The following RHAG variants were observed in gnomAD, a reference collection of about 807,000 sequenced individuals.
RHAG encodes the protein ammonium transporter Rh type A.
RHAG carries 25 observed loss-of-function variants against 42.4 expected under a neutral mutation model. The observed-to-expected ratio is 0.59, with a 90% confidence interval of 0.43 to 0.82. The LOEUF is 0.82. Among genes scored for constraint, RHAG ranks in the 40% least tolerant of loss-of-function variants. The probability of loss-of-function intolerance (pLI) is 0.00; values close to 1 mark genes in which losing one functional copy is unlikely to be tolerated. For synonymous variants in RHAG, 182 were observed against 177.7 expected, an observed-to-expected ratio of 1.02 and a Z score of -0.19; for missense variants, 483 against 504.6, an observed-to-expected ratio of 0.96 and a Z score of 0.41.
intron 1 of RHAG, among the ~76,000 whole-genome samples, chr6:49,634,107 T>G (rs1393265710): frequency 1.3e-5 from 2 of 152,200 alleles, no homozygotes; most frequent in African/African-American, 4.8e-5. Context: ...CCTTGAACAT[T>G]TATCATTTCT....
At chr6:49,608,512 G>A (rs1762513776) in intron 7 of RHAG, among the ~76,000 whole-genome samples, 1 of 152,052 alleles carries the variant, frequency 6.6e-6, no homozygotes, top group Non-Finnish European at 1.5e-5. Context: ...CAAGTAGCTG[G>A]GATTATAGGC....
intron 1 of RHAG, among the ~76,000 whole-genome samples, chr6:49,627,759 G>A (rs1762864022): frequency 6.6e-6 from 1 of 152,148 alleles, no homozygotes; most frequent in African/African-American, 2.4e-5. Flanking sequence ...ATAGTGGCAG[G>A]TGAGAGAGCT....
intron 1 of RHAG, among the ~76,000 whole-genome samples, chr6:49,628,054 T>C (rs1029490836): frequency 2.0e-5 from 3 of 152,096 alleles, no homozygotes; most frequent in Non-Finnish European, 4.4e-5. Context: ...TTTTCCTCTA[T>C]TTCCTATATA....
intron 1 of RHAG, among the ~76,000 whole-genome samples, chr6:49,624,917 C>G (rs1762820780): frequency 6.6e-6 from 1 of 152,144 alleles, no homozygotes; most frequent in South Asian, 2.1e-4. Flanking sequence ...CATAAAACCC[C>G]CCATATTATC....
intron 1 of RHAG, among the ~76,000 whole-genome samples, chr6:49,633,328 T>C (rs1762961189): frequency 6.6e-6 from 1 of 152,128 alleles, no homozygotes; most frequent in Non-Finnish European, 1.5e-5. Flanking sequence ...ACCCAAAATG[T>C]TTACTCATTT....
At position 49,620,521 on chromosome 6, in the gene RHAG, G is replaced by T. The variant is rs117151422; in HGVS notation, c.158-1159C>A. On this transcript the variant is annotated intron_variant, in intron 1 of 9. Coordinates refer to ENST00000371175, the MANE Select transcript of RHAG (RefSeq NM_000324.3). ...GGACAAACCTGAATGGGGCACCATA[G>T]TTTCTCTCTCTCTCTTTTTTTGGGG... Among the ~76,000 whole-genome samples, 877 of 151,818 alleles carry T rather than the reference G, an allele frequency of 5.8e-3. 16 individuals carry two copies. Among genetic ancestry groups the T allele is most frequent in the East Asian group, 0.035 (181 of 5,146 alleles).
At chr6:49,615,852 A>T (rs1383282693) in intron 3 of RHAG, 81 bp from the exon 4 acceptor site, 3 of 1,411,460 alleles carry the variant, frequency 2.1e-6, no homozygotes, top group Admixed American at 3.4e-5. Flanking sequence ...AAAGAATTGC[A>T]TTGTTGGTTA....
Position 49,606,861 on chromosome 6 carries a change from G to A in RHAG, c.1199C>T (p.Ser400Phe). 6.2e-7 allele frequency: 1 copy of A among 1,606,934 alleles called. No individual in the cohort carries two copies. Among genetic ancestry groups the A allele is most frequent in the Non-Finnish European group, 8.5e-7 (1 of 1,173,622 alleles). ...ACTGTACAGTACCTTCCAATAAACA[G>A]AATCATCATAGCAGTTCTGGTCAGA... ...QPSDQNCYDDSVYWKVPKTR is the reference protein window; with the variant it reads ...QPSDQNCYDDFVYWKVPKTR Residue 400 changes from serine (S) to phenylalanine (F), a missense_variant, in exon 9 of 10, where the codon TCT (serine) becomes TTT (phenylalanine). Ser to Phe is a radical substitution (Grantham distance 155, BLOSUM62 -2). Transcript: ENST00000371175.
Position 49,619,026 on chromosome 6 carries a change from C to A in RHAG, c.341+153G>T, listed in dbSNP as rs116095401. Among the ~76,000 whole-genome samples the A allele has an allele frequency of 5.5e-3, 844 of 152,210 alleles. 7 individuals carry two copies. Among genetic ancestry groups the A allele is most frequent in the African/African-American group, 0.019 (803 of 41,544 alleles). ...AGGAGTCTCCTGTGGACCTCTTTCA[C>A]AAGGACACTGATCCCATTCATAAAC... On this transcript the variant is annotated intron_variant, in intron 2 of 9. Coordinates refer to ENST00000371175, the MANE Select transcript of RHAG (RefSeq NM_000324.3).
rs1050256803 is a variant in RHAG at position 49,619,160 on chromosome 6, C to T, written c.341+19G>A. On this transcript the variant is annotated intron_variant, in intron 2 of 9. Transcript: ENST00000371175. ...ATTCTGGAGGATGCAAACATTCAGC[C>T]CACAGTAAGGATGCTCACTTTTTGA... 2.5e-6 allele frequency: 4 copies of T among 1,613,050 alleles called. No individual in the cohort carries two copies. The highest frequency in any genetic ancestry group is 2.2e-5 in the East Asian group (1 of 44,880).
chr6:49,607,306 C>T lies in RHAG; in HGVS notation c.1068-86G>A, dbSNP rs548950642. Reference sequence around the variant, plus strand: ...ACTCACTGAGGGTGTGGATGACTGCCATCTTCAGGCCAGAGTGTAACATTA... The same window carrying T: ...ACTCACTGAGGGTGTGGATGACTGCTATCTTCAGGCCAGAGTGTAACATTA... On this transcript the variant is annotated intron_variant, in intron 7 of 9. Coordinates refer to ENST00000371175, the MANE Select transcript of RHAG (RefSeq NM_000324.3). 438 of 952,428 alleles carry T rather than the reference C, an allele frequency of 4.6e-4. 1 individual carries two copies. Among genetic ancestry groups the T allele is most frequent in the Middle Eastern group, 1.0e-3 (5 of 4,880 alleles). The allele number at this position is 952,428 out of a possible 1,614,324, so 59.0% of individuals were successfully genotyped here. A position where few individuals can be genotyped will look rare whatever the true frequency, so the allele number is the denominator to read the frequency against.
At chr6:49,612,357 G>T in intron 6 of RHAG, 40 bp downstream of exon 6, 1 of 1,608,554 alleles carries the variant, frequency 6.2e-7, no homozygotes, top group Non-Finnish European at 8.5e-7. Context: ...GAAAAAAGGT[G>T]CAGATTCAGA....
In RHAG at chr6:49,608,537, C is replaced by T. The variant is rs532811412; in HGVS notation, c.1068-1317G>A. On this transcript the variant is annotated intron_variant, in intron 7 of 9. Coordinates refer to ENST00000371175, the MANE Select transcript of RHAG (RefSeq NM_000324.3). Reference sequence around the variant, plus strand: ...GGATTATAGGCACCCACCACCATGCCGGGTACTTTTTGTGTTTTTAGTAGA... The same window carrying T: ...GGATTATAGGCACCCACCACCATGCTGGGTACTTTTTGTGTTTTTAGTAGA... Among the ~76,000 whole-genome samples, 22 of 152,104 alleles carry T rather than the reference C, an allele frequency of 1.4e-4. No homozygotes were observed. The East Asian group carries it at 2.1e-3, about 15-fold the overall frequency.
intron 2 of RHAG, 151 bp downstream of exon 2, chr6:49,619,028 A>C: frequency 1.2e-6 from 1 of 856,084 alleles, no homozygotes; most frequent in Non-Finnish European, 1.9e-6. Context: ...CTCTTTCACA[A>C]GGACACTGAT....
intron 1 of RHAG, among the ~76,000 whole-genome samples, chr6:49,629,623 G>A (rs1199844632): frequency 1.3e-5 from 2 of 152,140 alleles, no homozygotes; most frequent in Non-Finnish European, 2.9e-5. Context: ...GGGAGGCTCG[G>A]GCACACAGGA....
chr6:49,628,218 A>G (rs1762873604), intron 1 of RHAG, among the ~76,000 whole-genome samples: 1 of 151,854 alleles, frequency 6.6e-6, no homozygotes, highest in Admixed American at 6.6e-5. Flanking sequence ...GTGCAGTGGC[A>G]TGAACATAAC....
Position 49,614,806 on chromosome 6 carries a change from C to A in RHAG, c.688G>T (p.Ala230Ser). Residue 230 changes from alanine (A) to serine (S), a missense_variant, in exon 5 of 10, where the codon GCT becomes TCT. Ala to Ser is a moderately conservative substitution (Grantham distance 99). Transcript: ENST00000371175. ...MFWPSFNSAI[A>S]EPGDKQCRAI... ...CTGCACTGTTTGTCTCCAGGTTCAGCAATGGCCGAGTTAAAGCTGGGCCAA... is the reference window on the plus strand; with the variant it reads ...CTGCACTGTTTGTCTCCAGGTTCAGAAATGGCCGAGTTAAAGCTGGGCCAA... 6.2e-7 allele frequency: 1 copy of A among 1,614,192 alleles called. No individual in the cohort carries two copies. The highest frequency in any genetic ancestry group is 8.5e-7 in the Non-Finnish European group (1 of 1,180,034).
chr6:49,615,778 G>A lies in RHAG; in HGVS notation c.493-7C>T, dbSNP rs998096012. Reference sequence around the variant, plus strand: ...ATGCTCCAATGTCAGAGGCCTGAGGGACAAAATAGCATTCACATAAATAGA... The same window carrying A: ...ATGCTCCAATGTCAGAGGCCTGAGGAACAAAATAGCATTCACATAAATAGA... On this transcript the variant is annotated splice_polypyrimidine_tract_variant and splice_region_variant and intron_variant, in intron 3 of 9. Transcript: ENST00000371175. The A allele has an allele frequency of 1.2e-5, 19 of 1,613,836 alleles. No homozygotes were observed. The African/African-American group carries it at 1.6e-4, about 14-fold the overall frequency.
intron 1 of RHAG, among the ~76,000 whole-genome samples, chr6:49,621,941 A>C (rs1429965563): frequency 6.7e-6 from 1 of 150,374 alleles, no homozygotes; most frequent in African/African-American, 2.4e-5. Context: ...AGTTTTTTTC[A>C]TTTTGTTCAT....
Sources: gnomAD v4.1 joint callset for allele counts (sites outside exome capture counted in the v4.1 genomes callset) on GRCh38, gnomAD v4.1.1 for gene constraint, MANE v1.5 for transcripts, NCBI Gene and HGNC (gene_info 2026-07-23, HGNC 2026-07-21) for gene names.